Variants in MGAM2 observed in about 807,000 individuals in gnomAD.
MGAM2 encodes the protein probable maltase-glucoamylase 2.
In MGAM2, 98 loss-of-function variants were observed where a neutral mutation model predicts 96.1. The observed-to-expected ratio is 1.02, with a 90% CI of 0.87 to 1.21. The LOEUF is 1.21. Among genes scored for constraint, MGAM2 ranks in the 50% most tolerant of loss-of-function variants. The pLI, the probability that MGAM2 is intolerant of heterozygous loss-of-function variation, is 0.00. For missense variants in MGAM2, 2,055 were observed against 1,182.4 expected (o/e 1.74, Z -10.82); for synonymous variants, 749 against 414.8 (o/e 1.81, Z -9.79).
chr7:142,179,881 A>C (rs116087513), intron 32 of MGAM2, among the ~76,000 whole-genome samples: 221 of 152,144 alleles, frequency 1.5e-3, no homozygotes, highest in African/African-American at 5.2e-3. Flanking sequence ...TTGTATAATC[A>C]GTTAGGGAGG....
chr7:142,143,713 T>C (rs777503111), intron 12 of MGAM2, 56 bp from the exon 13 acceptor site: 4 of 489,880 alleles, frequency 8.2e-6, no homozygotes, highest in Non-Finnish European at 1.5e-5. Context: ...TCACTGTCGG[T>C]CAAAATGAAA....
Position 142,131,040 on chromosome 7 carries a change from A to C in MGAM2, c.279A>C (p.Glu93Asp), listed in dbSNP as rs1794870334. Reference protein sequence around the residue: ...RCFFPWNWGYEASNGHTNTST... With the variant: ...RCFFPWNWGYDASNGHTNTST... ...TCTTCCCCTGGAACTGGGGCTATGA[A>C]GCCAGCAATGGCCATACAAATACAA... Residue 93 changes from glutamate to aspartate, a missense_variant, in exon 4 of 48, where the codon GAA (glutamate) becomes GAC (aspartate). By Grantham distance (45) the Glu-to-Asp change is conservative. Transcript: ENST00000477922. 1.4e-6 allele frequency: 1 copy of C among 702,544 alleles called. No individual in the cohort carries two copies. Among genetic ancestry groups the C allele is most frequent in the Non-Finnish European group, 2.6e-6 (1 of 385,008 alleles). The allele number at this position is 702,544 out of a possible 1,614,324, so 43.5% of individuals were successfully genotyped here.
At chr7:142,144,629 G>A (rs1795330858) in intron 13 of MGAM2, among the ~76,000 whole-genome samples, 1 of 152,122 alleles carries the variant, frequency 6.6e-6, no homozygotes, top group Non-Finnish European at 1.5e-5. Flanking sequence ...GTAAAAATGT[G>A]CCCACTGTCA....
At chr7:142,160,024 CTGTT>C (rs777386149) in intron 20 of MGAM2, 106 bp from the exon 21 acceptor site, 28 of 593,382 alleles carry the variant, frequency 4.7e-5, no homozygotes, top group Non-Finnish European at 3.9e-5. Context: ...TTGGGGTTCT[CTGTT>C]TGTCTCTTCT....
intron 32 of MGAM2, among the ~76,000 whole-genome samples, chr7:142,180,297 C>A (rs1438387965): frequency 6.6e-6 from 1 of 152,090 alleles, no homozygotes; most frequent in Non-Finnish European, 1.5e-5. Flanking sequence ...TTCAAAAAAA[C>A]AGCTTTTGCT....
rs1797897099 is a variant in MGAM2 at position 142,220,650 on chromosome 7, A to G, written c.6139A>G (p.Thr2047Ala). 1 of 702,364 alleles carries G rather than the reference A, an allele frequency of 1.4e-6. No individual in the cohort carries two copies. Among genetic ancestry groups the G allele is most frequent in the Non-Finnish European group, 2.6e-6 (1 of 384,870 alleles). 43.5% of individuals were successfully genotyped at this position (702,364 alleles called of 1,614,324 possible). The change falls in exon 48 of 48, where the codon ACA becomes GCA. Residue 2047 changes from threonine (T) to alanine (A), a missense_variant. By Grantham distance (58) the Thr-to-Ala change is moderately conservative. Transcript: ENST00000477922. ...TCCTGATACAACTGCTCCTTTCCCT[A>G]CAAGTACTACTAGTACTAGCACTAG... ...TVPDTTAPFP[T>A]STTSTSTSAT...
chr7:142,197,470 C>A lies in MGAM2; in HGVS notation c.4703C>A (p.Thr1568Asn), dbSNP rs1797081696. ...AGAAAAGTCCTAGAGACCAGATATACCCTGCTTCCTTATCTCTATACTCTG... is the reference window on the plus strand; with the variant it reads ...AGAAAAGTCCTAGAGACCAGATATAACCTGCTTCCTTATCTCTATACTCTG... ...LSRKVLETRY[T>N]LLPYLYTLMH... is the part of the protein sequence containing the mutation. The change falls in exon 41 of 48, where the codon ACC becomes AAC. Residue 1568 changes from threonine (T) to asparagine (N), a missense_variant. Coordinates refer to ENST00000477922, the MANE Select transcript of MGAM2 (RefSeq NM_001293626.2). The A allele has an allele frequency of 1.4e-6, 1 of 702,994 alleles. No homozygotes were observed. Among genetic ancestry groups the A allele is most frequent in the South Asian group, 1.5e-5 (1 of 67,600 alleles). The allele number at this position is 702,994 out of a possible 1,614,324, so 43.5% of individuals were successfully genotyped here.
At chr7:142,140,713 AT>A (rs1795194976) in intron 10 of MGAM2, 88 bp from the exon 11 acceptor site, 1 of 573,376 alleles carries the variant, frequency 1.7e-6, no homozygotes, top group Admixed American at 3.3e-5. Context: ...ATATGGTTTC[AT>A]TTTCAATGGT....
intron 15 of MGAM2, 46 bp downstream of exon 15, chr7:142,147,619 A>G (rs1368077984): frequency 3.0e-6 from 2 of 662,800 alleles, no homozygotes; most frequent in East Asian, 5.4e-5. Context: ...TGGAGGTGGG[A>G]GGTGGAGGTG....
intron 1 of MGAM2, among the ~76,000 whole-genome samples, chr7:142,113,980 A>G (rs1817265518): frequency 6.6e-6 from 1 of 151,702 alleles, no homozygotes; most frequent in Non-Finnish European, 1.5e-5. Flanking sequence ...AAAATATAAA[A>G]ATTAGCTGGG....
At chr7:142,185,046 A>G in intron 33 of MGAM2, 31 bp from the exon 34 acceptor site, 1 of 702,590 alleles carries the variant, frequency 1.4e-6, no homozygotes, top group East Asian at 2.7e-5. Flanking sequence ...AAGGATCTGT[A>G]AAGGTTTTAA....
intron 15 of MGAM2, among the ~76,000 whole-genome samples, chr7:142,149,789 C>T (rs1015041249): frequency 6.6e-6 from 1 of 152,116 alleles, no homozygotes; most frequent in Non-Finnish European, 1.5e-5. Context: ...GATTCACCCG[C>T]CTTGGCCTCC....
At chr7:142,192,003 C>T (rs1005452609) in intron 37 of MGAM2, among the ~76,000 whole-genome samples, 4 of 152,078 alleles carry the variant, frequency 2.6e-5, no homozygotes, top group African/African-American at 7.2e-5. Flanking sequence ...TTTCCAATGT[C>T]GTTGGGAAAT....
intron 10 of MGAM2, 43 bp from the exon 11 acceptor site, chr7:142,140,759 A>C (rs1392792264): frequency 1.5e-6 from 1 of 679,598 alleles, no homozygotes; most frequent in Non-Finnish European, 2.7e-6. Flanking sequence ...CCATCAGCAC[A>C]GTGCTGTTTC....
At chr7:142,124,816 A>T (rs1794691727) in intron 3 of MGAM2, among the ~76,000 whole-genome samples, 1 of 152,036 alleles carries the variant, frequency 6.6e-6, no homozygotes, top group Middle Eastern at 3.2e-3. Flanking sequence ...ATTCTATTCA[A>T]ATCTTATTCT....
In MGAM2 at chr7:142,158,752, C is replaced by T. The variant is rs145775972; in HGVS notation, c.2163+420C>T. Reference sequence around the variant, plus strand: ...AGAGGAGTGCTGGGCAAAGGGAAGGCGATGCTCTGAAGTCCAACTATGAAG... The same window carrying T: ...AGAGGAGTGCTGGGCAAAGGGAAGGTGATGCTCTGAAGTCCAACTATGAAG... On this transcript the variant is annotated intron_variant, in intron 19 of 47. Transcript: ENST00000477922. Among the ~76,000 whole-genome samples the T allele has an allele frequency of 1.1e-3, 160 of 152,148 alleles. 1 individual carries two copies. The highest frequency in any genetic ancestry group is 3.4e-3 in the African/African-American group (143 of 41,494).
chr7:142,126,377 A>G (rs1476043215), intron 3 of MGAM2, among the ~76,000 whole-genome samples: 1 of 151,888 alleles, frequency 6.6e-6, no homozygotes, highest in African/African-American at 2.4e-5. Context: ...TGTTACCAGA[A>G]CTATTCTAGT....
intron 31 of MGAM2, 81 bp downstream of exon 31, chr7:142,173,435 TC>T: frequency 1.5e-6 from 1 of 658,734 alleles, no homozygotes. Flanking sequence ...GCTATGATGT[TC>T]TTATCAAAGA....
At chr7:142,155,168 G>A (rs1296585863) in intron 17 of MGAM2, among the ~76,000 whole-genome samples, 1 of 152,162 alleles carries the variant, frequency 6.6e-6, no homozygotes, top group Non-Finnish European at 1.5e-5. Context: ...TTTTATTTCA[G>A]TTAATACAAG....
Sources: gnomAD v4.1 joint callset for allele counts (sites outside exome capture counted in the v4.1 genomes callset) on GRCh38, gnomAD v4.1.1 for gene constraint, MANE v1.5 for transcripts, NCBI Gene and HGNC (gene_info 2026-07-23, HGNC 2026-07-21) for gene names.